TGFB3: variants seen among roughly 807,000 people sequenced by gnomAD.
The protein encoded by TGFB3 is transforming growth factor beta 3.
TGFB3 carries 5 observed loss-of-function variants against 40.1 expected under a neutral mutation model. That is an observed-to-expected ratio of 0.12 (90% CI 0.07 to 0.26). The LOEUF (loss-of-function observed/expected upper bound fraction) is 0.26, where lower values mean the gene tolerates loss of function less well. Ranked by LOEUF, TGFB3 falls within the 10% of genes least tolerant of loss-of-function variation. TGFB3 has a pLI of 1.00. For missense variants in TGFB3, 373 were observed against 530.1 expected (o/e 0.70, Z 2.91); for synonymous variants, 184 against 205.6 (o/e 0.89, Z 0.90).
intron 1 of TGFB3, among the ~76,000 whole-genome samples, chr14:75,975,104 A>G (rs1175432572): frequency 6.6e-6 from 1 of 151,986 alleles, no homozygotes; most frequent in African/African-American, 2.4e-5. Flanking sequence ...ACAGTGGCTC[A>G]TGCCTGTAAT....
Position 75,963,472 on chromosome 14 carries a change from T to G in TGFB3, c.770A>C (p.Asp257Ala), listed in dbSNP as rs764900652. 1.2e-6 allele frequency: 2 copies of G among 1,614,156 alleles called. No individual in the cohort carries two copies. Among genetic ancestry groups the G allele is most frequent in the South Asian group, 2.2e-5 (2 of 91,080 alleles). ...CCCCAGATCTCCACGGCCATGGTCA[T>G]CCTCATTGTCCACGCCTGAAGAAGG... ...EIKFKGVDNE[D>A]DHGRGDLGRL... The change falls in exon 5 of 7, where the codon GAT (aspartate) becomes GCT (alanine). Residue 257 changes from aspartate (D) to alanine (A), a missense_variant. By Grantham distance (126) the Asp-to-Ala change is moderately radical (BLOSUM62 -2). Transcript: ENST00000238682.
intron 3 of TGFB3, 168 bp downstream of exon 3, chr14:75,970,958 C>T: frequency 1.0e-6 from 1 of 953,686 alleles, no homozygotes; most frequent in Non-Finnish European, 1.6e-6. Context: ...TTACAGTGAG[C>T]ATTTAATAAA....
At chr14:75,968,652 T>C (rs1206985532) in intron 3 of TGFB3, among the ~76,000 whole-genome samples, 11 of 152,182 alleles carry the variant, frequency 7.2e-5, no homozygotes, top group Admixed American at 7.2e-4. Context: ...CCAACAGAGC[T>C]GCTGTCGGCA....
intron 1 of TGFB3, among the ~76,000 whole-genome samples, chr14:75,972,107 C>G (rs1000265244): frequency 2.0e-5 from 3 of 152,190 alleles, no homozygotes; most frequent in African/African-American, 7.2e-5. Flanking sequence ...TTGATTTATT[C>G]GTGTGTTTGT....
At position 75,959,149 on chromosome 14, in the gene TGFB3, G is replaced by A; in HGVS notation, c.*38C>T. On this transcript the variant is annotated 3_prime_UTR_variant, in exon 7 of 7. Coordinates refer to ENST00000238682, the MANE Select transcript of TGFB3 (RefSeq NM_003239.5). ...CCGAGGAGCGGGCAGTCAGGCAGTGGTGGTTCTCTCTCCCCTCTCTCTGTC... is the reference window on the plus strand; with the variant it reads ...CCGAGGAGCGGGCAGTCAGGCAGTGATGGTTCTCTCTCCCCTCTCTCTGTC... 2 of 1,613,750 alleles carry A rather than the reference G, an allele frequency of 1.2e-6. No individual in the cohort carries two copies. Among genetic ancestry groups the A allele is most frequent in the Non-Finnish European group, 1.7e-6 (2 of 1,179,740 alleles).
rs191167539 is a variant in TGFB3, at chr14:75,968,390, T to C, written c.647-2695A>G. On this transcript the variant is annotated intron_variant, in intron 3 of 6. Coordinates refer to ENST00000238682, the MANE Select transcript of TGFB3 (RefSeq NM_003239.5). Reference sequence around the variant, plus strand: ...TTCCAATGAAGAACTAACCTCAGAATTGGCAGCTGTGGGGGTGGTGGGTGG... The same window carrying C: ...TTCCAATGAAGAACTAACCTCAGAACTGGCAGCTGTGGGGGTGGTGGGTGG... Among the ~76,000 whole-genome samples, 4 of 151,464 alleles carry C rather than the reference T, an allele frequency of 2.6e-5. No homozygotes were observed. In the East Asian group the frequency reaches 5.9e-4, roughly 22 times the overall value.
In TGFB3 at chr14:75,971,446, GC is replaced by G. The variant is rs1247848948; in HGVS notation, c.516+108del. 1.9e-6 allele frequency: 3 copies of G among 1,549,558 alleles called. No homozygotes were observed. Among genetic ancestry groups the G allele is most frequent in the Non-Finnish European group, 2.6e-6 (3 of 1,137,662 alleles). On this transcript the variant is annotated intron_variant, in intron 2 of 6. Transcript: ENST00000238682. The surrounding 1 kb of genome is among the most constrained non-coding windows in gnomAD (Gnocchi z 4.5). ...GATACGGAAACGAAGGCTCAGAGAA[GC>G]CAGGATTCAAACCCAGGTCTGCCAA...
In TGFB3 at chr14:75,981,824, C is replaced by T. The variant is rs1331522349; in HGVS notation, c.-931G>A. The T allele has an allele frequency of 3.9e-5, 6 of 152,444 alleles. No homozygotes were observed. Among genetic ancestry groups the T allele is most frequent in the African/African-American group, 1.4e-4 (6 of 41,588 alleles). The allele number at this position is 152,444 out of a possible 1,614,324, so 9.4% of individuals were successfully genotyped here. ...GAAGCCAGTTCACGGCACGCCTGCT[C>T]CGGAAAGCTGTTATTCCTTCTCTCG... On this transcript the variant is annotated 5_prime_UTR_variant, in exon 1 of 7. Transcript: ENST00000238682. The surrounding 1 kb of genome is among the most constrained non-coding windows in gnomAD (Gnocchi z 4.7).
rs958524909 is a variant in TGFB3, at chr14:75,981,089, G to A, written c.-196C>T. On this transcript the variant is annotated 5_prime_UTR_variant, in exon 1 of 7. Transcript: ENST00000238682. This position sits in a 1 kb window ranked among gnomAD's most constrained non-coding sequence, Gnocchi z 4.7. ...AGGAAGCGCTGGCAACCCTGAGGACGAAGAAGCGGACTGTGTGCCTTGTAG... is the reference window on the plus strand; with the variant it reads ...AGGAAGCGCTGGCAACCCTGAGGACAAAGAAGCGGACTGTGTGCCTTGTAG... The A allele has an allele frequency of 7.9e-6, 5 of 629,238 alleles. No homozygotes were observed. Among genetic ancestry groups the A allele is most frequent in the African/African-American group, 3.6e-5 (2 of 54,900 alleles). The allele number at this position is 629,238 out of a possible 1,614,324, so 39.0% of individuals were successfully genotyped here.
rs762805055 is a variant in TGFB3, at chr14:75,965,548, C to T, written c.754+40G>A. The T allele has an allele frequency of 4.5e-6, 7 of 1,542,180 alleles. No homozygotes were observed. The Admixed American group carries it at 5.0e-5, about 11-fold the overall frequency. The stretch of plus-strand genomic sequence containing the variant: ...CACTATCCTGTCCCATTAACTTCCC[C>T]CCCACTCACCCATCCTACCATACAC... On this transcript the variant is annotated intron_variant, in intron 4 of 6. Transcript: ENST00000238682.
rs2035425981 is a variant in TGFB3 at position 75,981,100 on chromosome 14, C to A, written c.-207G>T. On this transcript the variant is annotated 5_prime_UTR_variant, in exon 1 of 7. Coordinates refer to ENST00000238682, the MANE Select transcript of TGFB3 (RefSeq NM_003239.5). This position sits in a 1 kb window ranked among gnomAD's most constrained non-coding sequence, Gnocchi z 4.7. Reference sequence around the variant, plus strand: ...GCAACCCTGAGGACGAAGAAGCGGACTGTGTGCCTTGTAGCGCTGGGATTC... The same window carrying A: ...GCAACCCTGAGGACGAAGAAGCGGAATGTGTGCCTTGTAGCGCTGGGATTC... The A allele has an allele frequency of 3.2e-6, 2 of 615,598 alleles. No individual in the cohort carries two copies. Among genetic ancestry groups the A allele is most frequent in the Non-Finnish European group, 5.8e-6 (2 of 344,000 alleles). The allele number at this position is 615,598 out of a possible 1,614,324, so 38.1% of individuals were successfully genotyped here.
chr14:75,981,374 CT>C lies in TGFB3; in HGVS notation c.-482del, dbSNP rs2035430466. The C allele has an allele frequency of 6.0e-6, 1 of 167,510 alleles. No individual in the cohort carries two copies. Among genetic ancestry groups the C allele is most frequent in the Admixed American group, 5.6e-5 (1 of 17,708 alleles). 10.4% of individuals were successfully genotyped at this position (167,510 alleles called of 1,614,324 possible). On this transcript the variant is annotated 5_prime_UTR_variant, in exon 1 of 7. Coordinates refer to ENST00000238682, the MANE Select transcript of TGFB3 (RefSeq NM_003239.5). This position sits in a 1 kb window ranked among gnomAD's most constrained non-coding sequence, Gnocchi z 4.7. ...TGGGTCCCAAAATCAAAATCCTTGC[CT>C]TGCCTTGAAAGAAAATAAGAAAAGA...
chr14:75,962,023 C>G (rs1236135520), intron 5 of TGFB3, among the ~76,000 whole-genome samples: 1 of 152,198 alleles, frequency 6.6e-6, no homozygotes, highest in Non-Finnish European at 1.5e-5. Context: ...CCCCTTCCCT[C>G]ATTCCTTCTT....
intron 5 of TGFB3, 55 bp from the exon 6 acceptor site, chr14:75,961,131 T>C: frequency 6.3e-7 from 1 of 1,596,996 alleles, no homozygotes; most frequent in Non-Finnish European, 8.6e-7. Context: ...TAAAAGAAAC[T>C]TCATGAATGC....
rs754211381 is a variant in TGFB3, at chr14:75,965,583, G to A, written c.754+5C>T. ...CCATCCTACCATACACATTCATTTT[G>A]TTACCTTTGAATTTGATTTCCATCA... is the stretch of plus-strand genomic sequence containing the variant. On this transcript the variant is annotated splice_donor_5th_base_variant and intron_variant, in intron 4 of 6. Coordinates refer to ENST00000238682, the MANE Select transcript of TGFB3 (RefSeq NM_003239.5). 32 of 1,609,382 alleles carry A rather than the reference G, an allele frequency of 2.0e-5. No individual in the cohort carries two copies. The highest frequency in any genetic ancestry group is 2.6e-5 in the Non-Finnish European group (30 of 1,175,846).
rs370006165 is a variant in TGFB3, at chr14:75,963,369, C to A, written c.873G>T (p.Pro291=). ...MMIPPHRLDN[P]GQGGQRKKRA... Reference sequence around the variant, plus strand: ...GCTTCTTCCTCTGACCCCCCTGGCCCGGGTTGTCGAGCCGGTGTGGGGGAA... The same window carrying A: ...GCTTCTTCCTCTGACCCCCCTGGCCAGGGTTGTCGAGCCGGTGTGGGGGAA... Residue 291 remains proline, a synonymous_variant, in exon 5 of 7, where the codon CCG becomes CCT. Coordinates refer to ENST00000238682, the MANE Select transcript of TGFB3 (RefSeq NM_003239.5). The A allele has an allele frequency of 6.2e-7, 1 of 1,614,040 alleles. No homozygotes were observed. Among genetic ancestry groups the A allele is most frequent in the Non-Finnish European group, 8.5e-7 (1 of 1,180,044 alleles).
chr14:75,959,482 G>T (rs1391783784), intron 6 of TGFB3, 137 bp from the exon 7 acceptor site: 21 of 1,015,222 alleles, frequency 2.1e-5, no homozygotes, highest in Non-Finnish European at 2.4e-5. Context: ...AAGAGGAACT[G>T]TTGGGGGCCG....
At chr14:75,982,669 G>A (rs2035450503), upstream of TGFB3, 1 of 152,080 alleles carries the variant, frequency 6.6e-6, no homozygotes, top group Non-Finnish European at 1.5e-5. This position sits in a 1 kb window ranked among gnomAD's most constrained non-coding sequence, Gnocchi z 4.0. Context: ...GGAGGCTCGG[G>A]GGCTGGGGGC....
chr14:75,959,863 A>AC (rs2035132112), intron 6 of TGFB3, among the ~76,000 whole-genome samples: 1 of 149,414 alleles, frequency 6.7e-6, no homozygotes, highest in Non-Finnish European at 1.5e-5. Flanking sequence ...AAGCAGAACA[A>AC]CTGCACTTGT....
Sources: gnomAD v4.1 joint callset for allele counts (sites outside exome capture counted in the v4.1 genomes callset) on GRCh38, gnomAD v4.1.1 for gene constraint, Gnocchi (gnomAD v3.1) non-coding constraint, MANE v1.5 for transcripts, NCBI Gene and HGNC (gene_info 2026-07-23, HGNC 2026-07-21) for gene names.